The following TENM3 variants were observed in gnomAD, a reference collection of about 807,000 sequenced individuals.
The protein encoded by TENM3 is teneurin transmembrane protein 3, also known as teneurin-3.
Under a neutral mutation model 255.1 loss-of-function variants are expected in TENM3, and 63 were observed. That is an observed-to-expected ratio of 0.25 (90% CI 0.20 to 0.30). TENM3 has a LOEUF of 0.30. Among genes scored for constraint, TENM3 ranks in the 10% least tolerant of loss-of-function variants. The pLI, the probability that TENM3 is intolerant of heterozygous loss-of-function variation, is 1.00. For missense variants in TENM3, 2,929 were observed against 3,461.1 expected, an observed-to-expected ratio of 0.85 and a Z score of 3.86; for synonymous variants, 1,306 against 1,322.3, an observed-to-expected ratio of 0.99 and a Z score of 0.27.
intron 3 of TENM3, among the ~76,000 whole-genome samples, chr4:182,365,550 CAAG>C (rs1766377114): frequency 6.6e-6 from 1 of 152,172 alleles, no homozygotes; most frequent in African/African-American, 2.4e-5. Context: ...TTCTAGGTGC[CAAG>C]AAGTTCTGCA....
At chr4:182,664,127 G>A (rs887128503) in intron 6 of TENM3, among the ~76,000 whole-genome samples, 4 of 152,224 alleles carry the variant, frequency 2.6e-5, no homozygotes, top group Admixed American at 1.3e-4. Context: ...CCCAGATACC[G>A]TGTTTTTTAC....
At chr4:182,624,974 A>G (rs1037715533) in intron 4 of TENM3, among the ~76,000 whole-genome samples, 19 of 152,212 alleles carry the variant, frequency 1.2e-4, no homozygotes, top group African/African-American at 4.6e-4. Flanking sequence ...TGGGTGGTCA[A>G]GTAGTAACGT....
intron 6 of TENM3, among the ~76,000 whole-genome samples, chr4:182,657,083 A>G (rs1424147179): frequency 1.3e-5 from 2 of 152,204 alleles, no homozygotes; most frequent in Admixed American, 6.5e-5. Flanking sequence ...ATTTAGCCTA[A>G]TGTACTGGAA....
chr4:182,696,303 A>G (rs1210525743), intron 12 of TENM3, among the ~76,000 whole-genome samples: 1 of 152,206 alleles, frequency 6.6e-6, no homozygotes, highest in Non-Finnish European at 1.5e-5. Context: ...TATAGACTCA[A>G]TTATCTCTCT....
At chr4:181,797,767 C>T in the TENM3 span, among the ~76,000 whole-genome samples, 1 of 152,194 alleles carries the variant, frequency 6.6e-6, no homozygotes, top group African/African-American at 2.4e-5. Context: ...TCTGTTATTG[C>T]CATGCATGGC....
chr4:181,691,257 A>G, the TENM3 span, among the ~76,000 whole-genome samples: 5 of 147,750 alleles, frequency 3.4e-5, no homozygotes, highest in Admixed American at 2.0e-4. Flanking sequence ...GTGTGTGTGT[A>G]TAATTAAGTA....
chr4:182,160,311 C>CT (rs1561150483), intron 1 of TENM3, among the ~76,000 whole-genome samples: 1 of 152,194 alleles, frequency 6.6e-6, no homozygotes, highest in African/African-American at 2.4e-5. Context: ...TATTCCGGTT[C>CT]TTTTTTTAAA....
chr4:181,571,114 A>T, the TENM3 span, among the ~76,000 whole-genome samples: 1 of 152,086 alleles, frequency 6.6e-6, no homozygotes, highest in Admixed American at 6.5e-5. Flanking sequence ...TTGAGAAAGG[A>T]AGTAGCCGGT....
At chr4:182,049,214 CAA>C in the TENM3 span, among the ~76,000 whole-genome samples, 3 of 152,104 alleles carry the variant, frequency 2.0e-5, no homozygotes, top group Non-Finnish European at 2.9e-5. Context: ...ACTTCGTGAA[CAA>C]AAGTTCTTTG....
chr4:182,169,950 A>T (rs905485488), intron 1 of TENM3, among the ~76,000 whole-genome samples: 1 of 151,682 alleles, frequency 6.6e-6, no homozygotes, highest in Non-Finnish European at 1.5e-5. Flanking sequence ...TTATAAAGTG[A>T]ATCGCTTATA....
At chr4:181,834,052 G>A in the TENM3 span, among the ~76,000 whole-genome samples, 1 of 151,762 alleles carries the variant, frequency 6.6e-6, no homozygotes, top group Non-Finnish European at 1.5e-5. Context: ...CCATTGACGT[G>A]CATTTTAGAT....
At chr4:181,719,215 A>T in the TENM3 span, among the ~76,000 whole-genome samples, 1 of 149,962 alleles carries the variant, frequency 6.7e-6, no homozygotes, top group Non-Finnish European at 1.5e-5. Context: ...TCCGTCTCAA[A>T]AAATAAATAA....
At chr4:181,933,964 T>G in the TENM3 span, among the ~76,000 whole-genome samples, 1 of 152,108 alleles carries the variant, frequency 6.6e-6, no homozygotes, top group Non-Finnish European at 1.5e-5. Flanking sequence ...TATGCTCAAA[T>G]CAGTTATTAG....
In TENM3 at chr4:182,728,046, AC is replaced by A. The variant is rs1760367725; in HGVS notation, c.2369-917del. On this transcript the variant is annotated intron_variant, in intron 13 of 27. Transcript: ENST00000511685. ...TGGCTAATTTTAGAGATGGGGTTTCACCATGTTGGCCAGGCTGGTCTCGAAC... is the reference window on the plus strand; with the variant it reads ...TGGCTAATTTTAGAGATGGGGTTTCACATGTTGGCCAGGCTGGTCTCGAAC... Among the ~76,000 whole-genome samples the A allele has an allele frequency of 2.6e-5, 4 of 152,096 alleles. No individual in the cohort carries two copies. In the East Asian group the frequency reaches 7.7e-4, roughly 29 times the overall value.
At chr4:182,290,127 G>A (rs1761019399) in intron 1 of TENM3, among the ~76,000 whole-genome samples, 1 of 152,202 alleles carries the variant, frequency 6.6e-6, no homozygotes, top group Non-Finnish European at 1.5e-5. Flanking sequence ...CTGTGTCGCT[G>A]TGGACTAACT....
chr4:182,421,238 CCTT>C (rs1770813118), intron 3 of TENM3, among the ~76,000 whole-genome samples: 1 of 152,120 alleles, frequency 6.6e-6, no homozygotes, highest in Non-Finnish European at 1.5e-5. Context: ...TATTATCTCA[CCTT>C]CTTCTCATTG....
At chr4:182,489,255 G>T (rs1301851482) in intron 3 of TENM3, among the ~76,000 whole-genome samples, 1 of 140,322 alleles carries the variant, frequency 7.1e-6, no homozygotes, top group East Asian at 2.1e-4. Context: ...CTAATAAAGG[G>T]AAAATGTGTC....
At chr4:182,387,149 G>C (rs983423020) in intron 3 of TENM3, among the ~76,000 whole-genome samples, 2 of 151,444 alleles carry the variant, frequency 1.3e-5, no homozygotes, top group African/African-American at 4.9e-5. Context: ...TGGTGGGGAC[G>C]TGGAGAACCT....
chr4:182,389,892 G>A lies in TENM3; in HGVS notation c.511+42963G>A, dbSNP rs571063572. Among the ~76,000 whole-genome samples, 226 of 151,944 alleles carry A rather than the reference G, an allele frequency of 1.5e-3. 3 individuals are homozygous for A. The highest frequency in any genetic ancestry group is 1.4e-3 in the Non-Finnish European group (95 of 67,936). On this transcript the variant is annotated intron_variant, in intron 3 of 27. Transcript: ENST00000511685. The stretch of plus-strand genomic sequence containing the variant: ...AGTAGAGACAGGGTTTCACCATGTT[G>A]GCCAGGATGGTCTCCGTCTCCTGAC...
Sources: allele counts gnomAD v4.1 joint callset (sites outside exome capture counted in the v4.1 genomes callset), GRCh38; gene constraint gnomAD v4.1.1; transcripts MANE v1.5; gene names NCBI Gene and HGNC (gene_info 2026-07-23, HGNC 2026-07-21).